Variants in SSPN observed in about 807,000 individuals in gnomAD.
SSPN encodes sarcospan.
Under a neutral mutation model 19.1 loss-of-function variants are expected in SSPN, and 15 were observed. The observed-to-expected ratio is 0.78, with a 90% CI of 0.52 to 1.21. The LOEUF is 1.21. Among genes scored for constraint, SSPN ranks in the 50% most tolerant of loss-of-function variants. The pLI, the probability that SSPN is intolerant of heterozygous loss-of-function variation, is 0.00. For missense variants in SSPN, 291 were observed against 314.0 expected (o/e 0.93, Z 0.55); for synonymous variants, 147 against 140.3 (o/e 1.05, Z -0.34).
chr12:26,228,150 C>A (rs560272851), intron 2 of SSPN, among the ~76,000 whole-genome samples: 1 of 152,098 alleles, frequency 6.6e-6, no homozygotes, highest in South Asian at 2.1e-4. Flanking sequence ...AATCTCAGCA[C>A]TTTGGGAGGC....
chr12:26,138,247 G>A (rs1394598558), intron 1 of SSPN, among the ~76,000 whole-genome samples: 1 of 152,116 alleles, frequency 6.6e-6, no homozygotes, highest in Non-Finnish European at 1.5e-5. Flanking sequence ...ACGATTGGTT[G>A]AATCTGTGGA....
intron 1 of SSPN, among the ~76,000 whole-genome samples, chr12:26,198,463 G>T (rs1256740870): frequency 6.6e-6 from 1 of 152,046 alleles, no homozygotes; most frequent in Non-Finnish European, 1.5e-5. Context: ...GTTGCCCTGA[G>T]GATGAAATAA....
chr12:26,223,368 G>A (rs770871067), intron 1 of SSPN, among the ~76,000 whole-genome samples: 3 of 152,114 alleles, frequency 2.0e-5, no homozygotes, highest in Admixed American at 6.5e-5. Flanking sequence ...GCACCACCAC[G>A]CCTGGCTAAT....
intron 1 of SSPN, among the ~76,000 whole-genome samples, chr12:26,172,759 TTCTC>T (rs918078697): frequency 1.3e-5 from 2 of 152,024 alleles, no homozygotes; most frequent in African/African-American, 2.4e-5. Flanking sequence ...GGAATCCACT[TTCTC>T]TCTCTTTTTT....
chr12:26,195,548 T>C (rs1944818460), upstream of SSPN: 3 of 1,281,516 alleles, frequency 2.3e-6, no homozygotes, highest in Admixed American at 8.4e-5. Flanking sequence ...CGGCTCCAAA[T>C]GTTTTCCATA....
intron 1 of SSPN, among the ~76,000 whole-genome samples, chr12:26,176,802 A>G (rs879388375): frequency 1.4e-4 from 21 of 152,042 alleles, no homozygotes; most frequent in Non-Finnish European, 2.9e-4. Context: ...TTCTACCCCC[A>G]TTTCAAGCCA....
At chr12:26,160,864 T>G (rs1260749934) in intron 1 of SSPN, among the ~76,000 whole-genome samples, 1 of 152,104 alleles carries the variant, frequency 6.6e-6, no homozygotes, top group Admixed American at 6.5e-5. Flanking sequence ...TCCCAGCACT[T>G]TGGGAGGCCA....
At chr12:26,206,162 G>C (rs1774455008) in intron 1 of SSPN, among the ~76,000 whole-genome samples, 1 of 152,170 alleles carries the variant, frequency 6.6e-6, no homozygotes, top group South Asian at 2.1e-4. Context: ...AAAGCTCAGT[G>C]TCTGGCTAAC....
chr12:26,220,244 A>C (rs1945104743), intron 1 of SSPN, among the ~76,000 whole-genome samples: 1 of 70,502 alleles, frequency 1.4e-5, no homozygotes, highest in Non-Finnish European at 3.1e-5. Flanking sequence ...GCAAAGCTGT[A>C]GGCAAAAAAA....
chr12:26,200,043 C>A (rs1330823489), intron 1 of SSPN, among the ~76,000 whole-genome samples: 3 of 152,182 alleles, frequency 2.0e-5, no homozygotes, highest in Non-Finnish European at 2.9e-5. Context: ...CTTCTCATCC[C>A]CAGTGAATAT....
chr12:26,122,842 G>C, intron 1 of SSPN: 1 of 1,576,964 alleles, frequency 6.3e-7, no homozygotes, highest in African/African-American at 1.3e-5. Context: ...GCGCTGGGCT[G>C]AGTCCGCTGG....
intron 1 of SSPN, among the ~76,000 whole-genome samples, chr12:26,164,509 C>T (rs929248167): frequency 6.6e-6 from 1 of 152,298 alleles, no homozygotes; most frequent in African/African-American, 2.4e-5. Context: ...CACTGTATTC[C>T]AGCCTAGGCG....
chr12:26,124,786 C>T (rs762794073), intron 1 of SSPN: 3 of 1,614,224 alleles, frequency 1.9e-6, no homozygotes, highest in Non-Finnish European at 2.5e-6. Flanking sequence ...CCATGTTCAA[C>T]TGCTGTTCGT....
chr12:26,200,162 T>G (rs1318210836), intron 1 of SSPN, among the ~76,000 whole-genome samples: 1 of 152,164 alleles, frequency 6.6e-6, no homozygotes, highest in African/African-American at 2.4e-5. Context: ...CCTCCATTGC[T>G]CCCATACCCC....
At chr12:26,194,061 T>C (rs1944805250), upstream of SSPN, among the ~76,000 whole-genome samples, 1 of 152,212 alleles carries the variant, frequency 6.6e-6, no homozygotes, top group African/African-American at 2.4e-5. Flanking sequence ...TCCTAACATC[T>C]TGGCAACATC....
At chr12:26,132,069 G>C (rs2137397478) in intron 1 of SSPN, among the ~76,000 whole-genome samples, 1 of 152,314 alleles carries the variant, frequency 6.6e-6, no homozygotes, top group Admixed American at 6.5e-5. Context: ...TAGAGGAGTT[G>C]TTGAGAGATG....
At chr12:26,168,214 GAAAA>G (rs60365188) in intron 1 of SSPN, among the ~76,000 whole-genome samples, 2 of 117,524 alleles carry the variant, frequency 1.7e-5, no homozygotes, top group Non-Finnish European at 1.8e-5. Context: ...CCCTGTCTCA[GAAAA>G]AAAAAAAAAA....
chr12:26,178,350 T>C (rs2137439081), intron 1 of SSPN, among the ~76,000 whole-genome samples: 2 of 150,874 alleles, frequency 1.3e-5, no homozygotes, highest in African/African-American at 4.9e-5. Flanking sequence ...TAAATGTATG[T>C]GTGTGTGTGT....
At chr12:26,171,292 C>A (rs905453727) in intron 1 of SSPN, among the ~76,000 whole-genome samples, 3 of 152,184 alleles carry the variant, frequency 2.0e-5, no homozygotes, top group African/African-American at 7.2e-5. Context: ...TATAACACTG[C>A]TGACATTTTC....
Sources: gnomAD v4.1 joint callset for allele counts (sites outside exome capture counted in the v4.1 genomes callset) on GRCh38, gnomAD v4.1.1 for gene constraint, MANE v1.5 for transcripts, NCBI Gene and HGNC (gene_info 2026-07-23, HGNC 2026-07-21) for gene names.